HEATR6: variants seen among roughly 807,000 people sequenced by gnomAD.
HEATR6 encodes HEAT repeat-containing protein 6.
Under a neutral mutation model 132.8 loss-of-function variants are expected in HEATR6, and 106 were observed. That is an observed-to-expected ratio of 0.80 (90% CI 0.68 to 0.94). The LOEUF (loss-of-function observed/expected upper bound fraction) is 0.94, where lower values mean the gene tolerates loss of function less well. Ranked by LOEUF, HEATR6 falls within the 40% of genes least tolerant of loss-of-function variation. The pLI is 0.00. For synonymous variants in HEATR6, 529 were observed against 537.8 expected (o/e 0.98, Z 0.23); for missense variants, 1,339 against 1,425.1 (o/e 0.94, Z 0.97).
At chr17:60,076,018 T>A (rs1230857079) in intron 2 of HEATR6, 112 bp downstream of exon 2, 3 of 604,622 alleles carry the variant, frequency 5.0e-6, no homozygotes, top group Non-Finnish European at 8.7e-6. Context: ...TTGCTTTTCC[T>A]ATAGCATCTC....
At chr17:60,049,865 C>T (rs887658268) in intron 15 of HEATR6, among the ~76,000 whole-genome samples, 163 bp from the exon 16 acceptor site, 1 of 152,228 alleles carries the variant, frequency 6.6e-6, no homozygotes, top group South Asian at 2.1e-4. Flanking sequence ...AATTCAGATT[C>T]CATAATTATC....
chr17:60,075,411 C>T (rs2145203589), intron 2 of HEATR6, among the ~76,000 whole-genome samples: 1 of 152,276 alleles, frequency 6.6e-6, no homozygotes, highest in East Asian at 1.9e-4. Context: ...TTATTGCAGC[C>T]AAAAGCATCC....
rs980482671 is a variant in HEATR6 at position 60,072,314 on chromosome 17, C to T, written c.600G>A (p.Pro200=). Residue 200 remains proline, a synonymous_variant, in exon 5 of 20, where the codon CCG becomes CCA. Transcript: ENST00000184956. ...CATTTTGGTAGGGCTCCTCCAAATACGGCTGTCCTGGCACACTAAACGCAT... is the reference window on the plus strand; with the variant it reads ...CATTTTGGTAGGGCTCCTCCAAATATGGCTGTCCTGGCACACTAAACGCAT... ...ANLCLSVPGQ[P]YLEEPYQNVC... 35 of 1,606,148 alleles carry T rather than the reference C, an allele frequency of 2.2e-5. No individual in the cohort carries two copies. The highest frequency in any genetic ancestry group is 5.4e-5 in the African/African-American group (4 of 74,714).
At chr17:60,070,980 C>G (rs1219614292) in intron 5 of HEATR6, among the ~76,000 whole-genome samples, 173 bp from the exon 6 acceptor site, 1 of 152,020 alleles carries the variant, frequency 6.6e-6, no homozygotes, top group Non-Finnish European at 1.5e-5. Flanking sequence ...CTAAGGAGAC[C>G]TAATAAACTA....
In HEATR6 at chr17:60,072,343, G is replaced by A; in HGVS notation, c.585-14C>T. On this transcript the variant is annotated splice_polypyrimidine_tract_variant and intron_variant, in intron 4 of 19. Coordinates refer to ENST00000184956, the MANE Select transcript of HEATR6 (RefSeq NM_022070.5). ...TGTCCTGGCACACTAAACGCATACA[G>A]AGAAAACAACTCAAACTCAGTCTCC... The A allele has an allele frequency of 6.9e-7, 1 of 1,456,026 alleles. No individual in the cohort carries two copies. The highest frequency in any genetic ancestry group is 1.8e-5 in the Admixed American group (1 of 55,050). 90.2% of individuals were successfully genotyped at this position (1,456,026 alleles called of 1,614,324 possible). A position where few individuals can be genotyped will look rare whatever the true frequency, so the allele number is the denominator to read the frequency against.
At chr17:60,062,444 T>A (rs1037419188) in intron 9 of HEATR6, among the ~76,000 whole-genome samples, 1 of 152,236 alleles carries the variant, frequency 6.6e-6, no homozygotes, top group African/African-American at 2.4e-5. Context: ...CTAAAGCTAA[T>A]AAAACAGAAA....
chr17:60,046,409 C>T (rs1334365589), intron 18 of HEATR6, among the ~76,000 whole-genome samples, 180 bp from the exon 19 acceptor site: 1 of 152,112 alleles, frequency 6.6e-6, no homozygotes, highest in Non-Finnish European at 1.5e-5. Context: ...CTACAGAACT[C>T]CTCTCTCTGA....
rs760598119 is a variant in HEATR6, at chr17:60,043,785, C to T, written c.3324G>A (p.Gln1108=). Residue 1108 remains glutamine (Q), a synonymous_variant, in exon 20 of 20, where the codon CAG becomes CAA. Coordinates refer to ENST00000184956, the MANE Select transcript of HEATR6 (RefSeq NM_022070.5). ...CTCCCTCTGCTCCTGATTTTAAAAACTGTAGAATATAGGACTGGACCATAT... is the reference window on the plus strand; with the variant it reads ...CTCCCTCTGCTCCTGATTTTAAAAATTGTAGAATATAGGACTGGACCATAT... ...SGNMVQSYIL[Q]FLKSGAEGDD... The T allele has an allele frequency of 8.1e-6, 13 of 1,614,078 alleles. No homozygotes were observed. Among genetic ancestry groups the T allele is most frequent in the Non-Finnish European group, 1.0e-5 (12 of 1,180,034 alleles).
chr17:60,056,156 T>C lies in HEATR6; in HGVS notation c.2161A>G (p.Met721Val). Residue 721 changes from methionine to valine, a missense_variant, in exon 13 of 20, where the codon ATG becomes GTG. Coordinates refer to ENST00000184956, the MANE Select transcript of HEATR6 (RefSeq NM_022070.5). Reference protein sequence around the residue: ...MELGEVICKCMGEADPSIQLH... With the variant: ...MELGEVICKCVGEADPSIQLH... ...TGAATGGATGGATCTGCTTCCCCCATGCACTTGCAAATCACCTCTCCAAGC... is the reference window on the plus strand; with the variant it reads ...TGAATGGATGGATCTGCTTCCCCCACGCACTTGCAAATCACCTCTCCAAGC... 3.1e-6 allele frequency: 5 copies of C among 1,614,118 alleles called. No homozygotes were observed. The highest frequency in any genetic ancestry group is 4.2e-6 in the Non-Finnish European group (5 of 1,179,974).
rs1200410465 is a variant in HEATR6 at position 60,069,858 on chromosome 17, A to G, written c.802-10T>C. ...CGTGAAACATGAATTTCTAATAATGATGAATAAGGACACACACACACACAC... is the reference window on the plus strand; with the variant it reads ...CGTGAAACATGAATTTCTAATAATGGTGAATAAGGACACACACACACACAC... On this transcript the variant is annotated splice_polypyrimidine_tract_variant and intron_variant, in intron 6 of 19. Transcript: ENST00000184956. The G allele has an allele frequency of 6.2e-7, 1 of 1,613,796 alleles. No individual in the cohort carries two copies.
chr17:60,067,338 C>A (rs1427568130), intron 8 of HEATR6, 96 bp downstream of exon 8: 2 of 763,564 alleles, frequency 2.6e-6, no homozygotes, highest in Non-Finnish European at 4.0e-6. Context: ...AGAAATCAGG[C>A]TCTTCAAGTT....
chr17:60,067,269 CAAAAAAAAAAAA>C (rs11339664), intron 8 of HEATR6, among the ~76,000 whole-genome samples, 153 bp downstream of exon 8: 1 of 61,128 alleles, frequency 1.6e-5, no homozygotes, highest in African/African-American at 4.7e-5. Context: ...GACTCCGTCT[CAAAAAAAAAAAA>C]AAAAAAAAAG....
chr17:60,072,827 A>G (rs1301616343), intron 4 of HEATR6, among the ~76,000 whole-genome samples: 1 of 152,218 alleles, frequency 6.6e-6, no homozygotes, highest in Non-Finnish European at 1.5e-5. Flanking sequence ...TTACAGATAC[A>G]TCTCACCAGC....
At chr17:60,067,053 G>A (rs1417059375) in intron 8 of HEATR6, among the ~76,000 whole-genome samples, 1 of 151,900 alleles carries the variant, frequency 6.6e-6, no homozygotes, top group East Asian at 1.9e-4. Context: ...GGCGGATCAC[G>A]AGGTCAGGAG....
At chr17:60,058,979 A>G (rs1198505497) in intron 11 of HEATR6, among the ~76,000 whole-genome samples, 1 of 152,272 alleles carries the variant, frequency 6.6e-6, no homozygotes, top group Non-Finnish European at 1.5e-5. Context: ...TCTGAACTTC[A>G]TAGGAAATAA....
At position 60,047,327 on chromosome 17, in the gene HEATR6, T is replaced by A. The variant is rs1906403169; in HGVS notation, c.2751A>T (p.Ala917=). 1.2e-6 allele frequency: 2 copies of A among 1,611,084 alleles called. No homozygotes were observed. Among genetic ancestry groups the A allele is most frequent in the Middle Eastern group, 1.7e-4 (1 of 6,054 alleles). Residue 917 remains alanine (A), a synonymous_variant, in exon 18 of 20, where the codon GCA becomes GCT. Transcript: ENST00000184956. ...LLKMLRSAIE[A]SKDKDKVKSN... is the part of the protein sequence containing the mutation. ...AGTCTACCTTGTCTTTATCCTTGGA[T>A]GCTTCTATAGCTGATCGTAACATTT...
chr17:60,066,594 A>G (rs573360305), intron 8 of HEATR6, among the ~76,000 whole-genome samples: 1 of 152,368 alleles, frequency 6.6e-6, no homozygotes, highest in African/African-American at 2.4e-5. Context: ...TTGTCTCTAT[A>G]ACAAGTTATT....
In HEATR6 at chr17:60,050,849, A is replaced by G; in HGVS notation, c.2418T>C (p.Asn806=). 6.2e-7 allele frequency: 1 copy of G among 1,614,194 alleles called. No individual in the cohort carries two copies. The highest frequency in any genetic ancestry group is 8.5e-7 in the Non-Finnish European group (1 of 1,180,032). The change falls in exon 15 of 20, where the codon AAT becomes AAC. Residue 806 remains asparagine (N), a synonymous_variant. Coordinates refer to ENST00000184956, the MANE Select transcript of HEATR6 (RefSeq NM_022070.5). ...GAAAACACCCTCACATTACCGGCAG[A>G]TTGCTGAAGGCCTCTGGCAAGATGG... is the stretch of plus-strand genomic sequence containing the variant. ...LSSILPEAFS[N]LPNDRQMLCI...
At chr17:60,064,173 G>C (rs548880571) in intron 9 of HEATR6, among the ~76,000 whole-genome samples, 59 of 152,224 alleles carry the variant, frequency 3.9e-4, no homozygotes, top group African/African-American at 1.4e-3. Flanking sequence ...GCCAGGCATG[G>C]TGGTGCATGC....
Sources: gnomAD v4.1 joint callset for allele counts (sites outside exome capture counted in the v4.1 genomes callset) on GRCh38, gnomAD v4.1.1 for gene constraint, MANE v1.5 for transcripts, NCBI Gene and HGNC (gene_info 2026-07-23, HGNC 2026-07-21) for gene names.